EGFLAM: variants seen among roughly 807,000 people sequenced by gnomAD.
EGFLAM encodes the protein EGF like, fibronectin type III and laminin G domains, also known as pikachurin.
EGFLAM carries 79 observed loss-of-function variants against 113.1 expected under a neutral mutation model. The ratio of observed to expected loss-of-function variants is 0.70; its 90% CI spans 0.58 to 0.84. EGFLAM has a LOEUF of 0.84. Ranked by LOEUF, EGFLAM falls within the 40% of genes least tolerant of loss-of-function variation. The pLI is 0.00. For synonymous variants in EGFLAM, 504 were observed against 487.6 expected (o/e 1.03, Z -0.44); for missense variants, 1,265 against 1,291.6 (o/e 0.98, Z 0.32).
chr5:38,398,036 C>T (rs750592735), intron 6 of EGFLAM, among the ~76,000 whole-genome samples: 86 of 152,138 alleles, frequency 5.7e-4, no homozygotes, highest in African/African-American at 1.6e-3. Context: ...TTACTTAAAG[C>T]GTATAACCCA....
intron 5 of EGFLAM, among the ~76,000 whole-genome samples, chr5:38,353,639 G>C (rs370491641): frequency 6.6e-6 from 1 of 152,220 alleles, no homozygotes; most frequent in East Asian, 1.9e-4. Flanking sequence ...TTGGTAAATT[G>C]CAAGTGTCAG....
intron 3 of EGFLAM, among the ~76,000 whole-genome samples, chr5:38,340,475 A>G (rs1341139066): frequency 1.3e-5 from 2 of 152,202 alleles, no homozygotes; most frequent in Admixed American, 6.5e-5. Flanking sequence ...ACAAACTTGC[A>G]TAGGGGCTAC....
intron 1 of EGFLAM, among the ~76,000 whole-genome samples, chr5:38,336,499 G>A (rs1739188226): frequency 6.6e-6 from 1 of 151,922 alleles, no homozygotes; most frequent in Non-Finnish European, 1.5e-5. Context: ...GCGTGAACCC[G>A]GGAGGCGGGG....
At chr5:38,393,629 G>A (rs543863295) in intron 6 of EGFLAM, among the ~76,000 whole-genome samples, 51 of 152,364 alleles carry the variant, frequency 3.3e-4, no homozygotes, top group African/African-American at 1.1e-3. Context: ...GAACTGGAGT[G>A]GCTGGTTTCA....
intron 1 of EGFLAM, among the ~76,000 whole-genome samples, chr5:38,272,309 C>G (rs1757782967): frequency 6.6e-6 from 1 of 152,182 alleles, no homozygotes; most frequent in South Asian, 2.1e-4. Flanking sequence ...TACTCATACA[C>G]TGAAAAGTAG....
intron 6 of EGFLAM, among the ~76,000 whole-genome samples, chr5:38,399,073 G>C (rs900414837): frequency 6.6e-6 from 1 of 152,184 alleles, no homozygotes; most frequent in Non-Finnish European, 1.5e-5. Context: ...AAGAGCCAAA[G>C]TGAGCTTGCA....
intron 6 of EGFLAM, among the ~76,000 whole-genome samples, chr5:38,404,699 T>C (rs1741223849): frequency 6.6e-6 from 1 of 152,206 alleles, no homozygotes; most frequent in African/African-American, 2.4e-5. Context: ...AACTAATGAG[T>C]GGCAGCATCC....
intron 6 of EGFLAM, among the ~76,000 whole-genome samples, chr5:38,395,010 G>A (rs889260856): frequency 5.9e-5 from 9 of 151,690 alleles, no homozygotes; most frequent in African/African-American, 1.2e-4. Flanking sequence ...GCACGATCTC[G>A]GCTCACTACA....
intron 7 of EGFLAM, 82 bp downstream of exon 7, chr5:38,406,323 C>T (rs1475900026): frequency 3.2e-6 from 4 of 1,230,842 alleles, no homozygotes; most frequent in African/African-American, 1.5e-5. Flanking sequence ...GGACCATAAA[C>T]ATTTTACTTA....
intron 10 of EGFLAM, among the ~76,000 whole-genome samples, chr5:38,409,466 C>CTA (rs1338392732): frequency 6.6e-6 from 1 of 152,096 alleles, no homozygotes; most frequent in Non-Finnish European, 1.5e-5. Flanking sequence ...TCTGGAGGTG[C>CTA]TGTTGAATGT....
In EGFLAM at chr5:38,464,045, C is replaced by T; in HGVS notation, c.*59C>T. 1 of 1,604,290 alleles carries T rather than the reference C, an allele frequency of 6.2e-7. No homozygotes were observed. The highest frequency in any genetic ancestry group is 8.5e-7 in the Non-Finnish European group (1 of 1,173,370). On this transcript the variant is annotated 3_prime_UTR_variant, in exon 22 of 22. Transcript: ENST00000322350. ...CTATTCTGAGAATCCCAGGGGCCCT[C>T]AGACCCTGCCTGATGCTATATGCAG...
intron 6 of EGFLAM, among the ~76,000 whole-genome samples, chr5:38,379,073 A>T (rs912876830): frequency 1.3e-5 from 2 of 152,218 alleles, no homozygotes; most frequent in African/African-American, 4.8e-5. Flanking sequence ...GAATGCCAGA[A>T]TTCAGAAACA....
chr5:38,397,952 G>A (rs570229015), intron 6 of EGFLAM, among the ~76,000 whole-genome samples: 3 of 152,292 alleles, frequency 2.0e-5, no homozygotes, highest in East Asian at 1.9e-4. Flanking sequence ...ATGGCTGGTC[G>A]GAATGTGGTC....
intron 1 of EGFLAM, among the ~76,000 whole-genome samples, chr5:38,323,092 G>C (rs780538553): frequency 6.2e-4 from 95 of 152,180 alleles, no homozygotes; most frequent in Non-Finnish European, 1.2e-3. Context: ...ACTATTTTTA[G>C]TTAGTCTGGG....
At chr5:38,381,319 G>T (rs1190043717) in intron 6 of EGFLAM, among the ~76,000 whole-genome samples, 2 of 152,148 alleles carry the variant, frequency 1.3e-5, no homozygotes, top group Non-Finnish European at 1.5e-5. Flanking sequence ...CACAGTTGTT[G>T]TTCAGCACAA....
chr5:38,387,566 A>G (rs1740698570), intron 6 of EGFLAM, among the ~76,000 whole-genome samples: 2 of 152,282 alleles, frequency 1.3e-5, no homozygotes, highest in South Asian at 4.2e-4. Context: ...CCACCACACA[A>G]TTCTGTTTGT....
chr5:38,320,628 G>T (rs1455823495), intron 1 of EGFLAM, among the ~76,000 whole-genome samples: 1 of 152,122 alleles, frequency 6.6e-6, no homozygotes. Context: ...GCTTACGTGT[G>T]TGTGTGTATA....
At chr5:38,284,680 C>T (rs901850101) in intron 1 of EGFLAM, among the ~76,000 whole-genome samples, 2 of 152,110 alleles carry the variant, frequency 1.3e-5, no homozygotes, top group African/African-American at 4.8e-5. Flanking sequence ...TGTTTCCTGG[C>T]AAATAGCTTG....
intron 17 of EGFLAM, among the ~76,000 whole-genome samples, chr5:38,446,117 C>A (rs1368509940): frequency 1.3e-5 from 2 of 152,186 alleles, no homozygotes; most frequent in Non-Finnish European, 2.9e-5. Flanking sequence ...GCCTCCCCCA[C>A]CGCTCAGCTT....
Sources: gnomAD v4.1 joint callset for allele counts (sites outside exome capture counted in the v4.1 genomes callset) on GRCh38, gnomAD v4.1.1 for gene constraint, MANE v1.5 for transcripts, NCBI Gene and HGNC (gene_info 2026-07-23, HGNC 2026-07-21) for gene names.